Variants in RFWD3 observed in about 807,000 individuals in gnomAD.
RFWD3 encodes ring finger and WD repeat domain 3, also known as E3 ubiquitin-protein ligase RFWD3.
In RFWD3, 65 loss-of-function variants were observed where a neutral mutation model predicts 87.7. The observed-to-expected ratio is 0.74, with a 90% CI of 0.61 to 0.91. RFWD3 has a LOEUF of 0.91. Ranked by LOEUF, RFWD3 falls within the 40% of genes least tolerant of loss-of-function variation. The probability of loss-of-function intolerance (pLI) is 0.00; values close to 1 mark genes in which losing one functional copy is unlikely to be tolerated. For synonymous variants in RFWD3, 433 were observed against 352.8 expected, an observed-to-expected ratio of 1.23 and a Z score of -2.55; for missense variants, 1,078 against 938.5, an observed-to-expected ratio of 1.15 and a Z score of -1.94.
At chr16:74,645,638 C>A (rs1252407360) in intron 4 of RFWD3, among the ~76,000 whole-genome samples, 1 of 152,008 alleles carries the variant, frequency 6.6e-6, no homozygotes, top group Non-Finnish European at 1.5e-5. Flanking sequence ...TAAGTGTGAG[C>A]CACTGCGCCC....
rs2143985322 is a variant in RFWD3 at position 74,623,013 on chromosome 16, G to C, written c.*915C>G. The C allele has an allele frequency of 6.6e-6, 1 of 152,244 alleles. No individual in the cohort carries two copies. The highest frequency in any genetic ancestry group is 2.1e-4 in the South Asian group (1 of 4,820). The allele number at this position is 152,244 out of a possible 1,614,324, so 9.4% of individuals were successfully genotyped here. On this transcript the variant is annotated 3_prime_UTR_variant, in exon 13 of 13. Coordinates refer to ENST00000361070, the MANE Select transcript of RFWD3 (RefSeq NM_018124.4). ...GAATAGCTTTTGTAAATTCTCTTAT[G>C]TCTTTTCTCCTGATCTCTGACACTA... is the stretch of plus-strand genomic sequence containing the variant.
At chr16:74,665,939 C>A (rs544994565) in intron 1 of RFWD3, among the ~76,000 whole-genome samples, 8 of 151,948 alleles carry the variant, frequency 5.3e-5, no homozygotes, top group Non-Finnish European at 1.2e-4. Flanking sequence ...CTCAGGTGAT[C>A]CGACTGCCTC....
At chr16:74,641,513 A>G (rs1959643335) in intron 6 of RFWD3, among the ~76,000 whole-genome samples, 1 of 152,166 alleles carries the variant, frequency 6.6e-6, no homozygotes, top group Non-Finnish European at 1.5e-5. Context: ...AGAAATTGAA[A>G]TGAAAAAAAC....
chr16:74,640,251 T>C (rs1597429640), intron 6 of RFWD3, among the ~76,000 whole-genome samples: 1 of 151,852 alleles, frequency 6.6e-6, no homozygotes, highest in East Asian at 2.0e-4. Flanking sequence ...GTTCAAGCGA[T>C]TCTTCTGACT....
At chr16:74,633,412 G>A (rs1218860432) in intron 8 of RFWD3, among the ~76,000 whole-genome samples, 1 of 149,900 alleles carries the variant, frequency 6.7e-6, no homozygotes, top group Non-Finnish European at 1.5e-5. Context: ...CAAACCTACT[G>A]TATAAACATG....
chr16:74,647,901 T>C (rs1960280966), intron 4 of RFWD3, among the ~76,000 whole-genome samples: 2 of 152,058 alleles, frequency 1.3e-5, no homozygotes, highest in African/African-American at 4.8e-5. Flanking sequence ...CCATTATTTT[T>C]AAAAATAAAA....
chr16:74,651,917 G>T lies in RFWD3; in HGVS notation c.721+3C>A. The T allele has an allele frequency of 1.2e-6, 2 of 1,613,530 alleles. No homozygotes were observed. Among genetic ancestry groups the T allele is most frequent in the South Asian group, 2.2e-5 (2 of 91,022 alleles). Reference sequence around the variant, plus strand: ...TGAGTCCAAACCTGGGTAAAATACTGACCTTCTAAAATGACAGCTCCAGAT... The same window carrying T: ...TGAGTCCAAACCTGGGTAAAATACTTACCTTCTAAAATGACAGCTCCAGAT... On this transcript the variant is annotated splice_donor_region_variant and intron_variant, in intron 3 of 12. Transcript: ENST00000361070.
intron 2 of RFWD3, among the ~76,000 whole-genome samples, chr16:74,654,702 T>C (rs1259184442): frequency 6.6e-6 from 1 of 152,186 alleles, no homozygotes; most frequent in East Asian, 1.9e-4. Flanking sequence ...CCAGGCCTTT[T>C]GCACCAAACA....
At chr16:74,626,584 A>AT in intron 11 of RFWD3, 30 bp from the exon 12 acceptor site, 1 of 1,579,376 alleles carries the variant, frequency 6.3e-7, no homozygotes, top group Non-Finnish European at 8.7e-7. Context: ...GTGCTGCACC[A>AT]TGGGGACGCT....
intron 11 of RFWD3, among the ~76,000 whole-genome samples, chr16:74,628,101 G>T (rs769420079): frequency 4.6e-4 from 70 of 152,216 alleles, no homozygotes; most frequent in Non-Finnish European, 6.5e-4. Flanking sequence ...TCTCTCAGGG[G>T]AAGTAAGAGG....
At chr16:74,635,767 G>A (rs1959191327) in intron 8 of RFWD3, among the ~76,000 whole-genome samples, 1 of 152,168 alleles carries the variant, frequency 6.6e-6, no homozygotes, top group Non-Finnish European at 1.5e-5. Flanking sequence ...GCTAAAGACA[G>A]CAGAAAGAAA....
chr16:74,626,721 A>ATGAAATTTAGAACCGTAGGCTAGCATCAG (rs1567565124), intron 11 of RFWD3, among the ~76,000 whole-genome samples, 167 bp from the exon 12 acceptor site: 2 of 152,204 alleles, frequency 1.3e-5, no homozygotes, highest in East Asian at 1.9e-4. Context: ...CACAGCATCA[A>ATGAAATTTAGAACCGTAGGCTAGCATCAG]TGAAATTTAG....
At chr16:74,638,026 C>A in intron 6 of RFWD3, 56 bp from the exon 7 acceptor site, 4 of 1,177,594 alleles carry the variant, frequency 3.4e-6, no homozygotes, top group East Asian at 2.4e-5. Context: ...GAAGACTTCC[C>A]ATCCAGGTGG....
intron 9 of RFWD3, 82 bp from the exon 10 acceptor site, chr16:74,631,039 A>T: frequency 7.8e-7 from 1 of 1,280,316 alleles, no homozygotes; most frequent in Non-Finnish European, 1.1e-6. Context: ...CATTTAAATG[A>T]TCATTAATCC....
intron 6 of RFWD3, among the ~76,000 whole-genome samples, chr16:74,643,369 T>C (rs1959820672): frequency 6.6e-6 from 1 of 152,240 alleles, no homozygotes; most frequent in African/African-American, 2.4e-5. Context: ...TGTATTCTGT[T>C]CATGCATACA....
At chr16:74,628,416 C>T in intron 11 of RFWD3, 36 bp downstream of exon 11, 2 of 1,597,986 alleles carry the variant, frequency 1.3e-6, no homozygotes, top group Non-Finnish European at 1.7e-6. Context: ...CCACTGTGCT[C>T]CCAAATAAGC....
chr16:74,629,955 A>C (rs974457663), intron 10 of RFWD3, among the ~76,000 whole-genome samples: 1 of 152,238 alleles, frequency 6.6e-6, no homozygotes, highest in Non-Finnish European at 1.5e-5. Context: ...TAAACTTCTC[A>C]ATCTCATAAC....
chr16:74,631,603 T>C (rs759555438), intron 9 of RFWD3, among the ~76,000 whole-genome samples: 2 of 152,204 alleles, frequency 1.3e-5, no homozygotes, highest in South Asian at 2.1e-4. Flanking sequence ...TCACAGAGCA[T>C]GTGACAGATA....
At chr16:74,641,682 T>A (rs1959659226) in intron 6 of RFWD3, among the ~76,000 whole-genome samples, 1 of 151,872 alleles carries the variant, frequency 6.6e-6, no homozygotes. Flanking sequence ...CTCAGCACTT[T>A]GGGAGTCCAA....
Sources: gnomAD v4.1 joint callset for allele counts (sites outside exome capture counted in the v4.1 genomes callset) on GRCh38, gnomAD v4.1.1 for gene constraint, MANE v1.5 for transcripts, NCBI Gene and HGNC (gene_info 2026-07-23, HGNC 2026-07-21) for gene names.